Variants in CHSY3 observed in about 807,000 individuals in gnomAD.
The protein encoded by CHSY3 is N-acetylgalactosaminyl-proteoglycan 3-beta-glucuronosyltransferase 3.
In CHSY3, 35 loss-of-function variants were observed where a neutral mutation model predicts 67.2. That is an observed-to-expected ratio of 0.52 (90% CI 0.40 to 0.69). The LOEUF (loss-of-function observed/expected upper bound fraction) is 0.69. Among genes scored for constraint, CHSY3 ranks in the 30% least tolerant of loss-of-function variants. CHSY3 has a pLI of 0.00. For synonymous variants in CHSY3, 474 were observed against 434.7 expected, an observed-to-expected ratio of 1.09 and a Z score of -1.12; for missense variants, 1,069 against 1,138.5, an observed-to-expected ratio of 0.94 and a Z score of 0.88.
intron 2 of CHSY3, among the ~76,000 whole-genome samples, chr5:130,075,066 G>A (rs966078918): frequency 6.6e-6 from 1 of 151,976 alleles, no homozygotes; most frequent in African/African-American, 2.4e-5. Flanking sequence ...ACCCATTTAC[G>A]GAGCTATTTC....
chr5:130,112,392 G>A (rs375301783), intron 2 of CHSY3, among the ~76,000 whole-genome samples: 17 of 152,096 alleles, frequency 1.1e-4, no homozygotes, highest in African/African-American at 2.9e-4. Context: ...TTCTCAGACC[G>A]GATTTCCACA....
Position 129,920,099 on chromosome 5 carries a change from C to G in CHSY3, c.1086+11739C>G, listed in dbSNP as rs1002481798. On this transcript the variant is annotated intron_variant, in intron 2 of 2. Transcript: ENST00000305031. ...GCTTTTTAATCTTTGATTGTCATCC[C>G]CCTATTTACCCCACCTGAAGTCCCT... Among the ~76,000 whole-genome samples the G allele has an allele frequency of 2.6e-5, 4 of 152,096 alleles. No homozygotes were observed. The South Asian group carries it at 8.3e-4, about 32-fold the overall frequency.
At chr5:130,021,151 A>T (rs182861877) in intron 2 of CHSY3, among the ~76,000 whole-genome samples, 2 of 152,308 alleles carry the variant, frequency 1.3e-5, no homozygotes, top group East Asian at 3.9e-4. Context: ...ACTTAAGATG[A>T]TGGGTTTGGT....
chr5:130,089,017 A>G, intron 2 of CHSY3, among the ~76,000 whole-genome samples: 1 of 152,046 alleles, frequency 6.6e-6, no homozygotes, highest in Non-Finnish European at 1.5e-5. Flanking sequence ...TGTGGCACAT[A>G]TACACCATGG....
chr5:130,103,758 C>T (rs2149700050), intron 2 of CHSY3, among the ~76,000 whole-genome samples: 1 of 152,060 alleles, frequency 6.6e-6, no homozygotes, highest in East Asian at 1.9e-4. Context: ...TACCTGAGAG[C>T]CTTGACTCCT....
intron 2 of CHSY3, among the ~76,000 whole-genome samples, chr5:129,956,878 A>G (rs1342102308): frequency 6.6e-6 from 1 of 152,026 alleles, no homozygotes; most frequent in Non-Finnish European, 1.5e-5. Context: ...TCTTTAGTAT[A>G]GCTTGAAGAC....
chr5:129,909,803 G>A (rs1042987874), intron 2 of CHSY3, among the ~76,000 whole-genome samples: 7 of 151,818 alleles, frequency 4.6e-5, no homozygotes, highest in African/African-American at 1.4e-4. Context: ...TGTTTTGCAG[G>A]TATTTACTTT....
At chr5:130,056,764 T>C (rs1040479369) in intron 2 of CHSY3, among the ~76,000 whole-genome samples, 2 of 152,072 alleles carry the variant, frequency 1.3e-5, no homozygotes, top group South Asian at 2.1e-4. Context: ...CTTAACTGTA[T>C]TGGGACTCAA....
intron 2 of CHSY3, among the ~76,000 whole-genome samples, chr5:130,014,027 A>G (rs958195471): frequency 7.2e-5 from 11 of 152,172 alleles, no homozygotes; most frequent in Admixed American, 3.3e-4. Context: ...GCACTGCACA[A>G]TGCCACCAGT....
At chr5:129,945,322 C>CA (rs1761819167) in intron 2 of CHSY3, among the ~76,000 whole-genome samples, 1 of 152,034 alleles carries the variant, frequency 6.6e-6, no homozygotes, top group Non-Finnish European at 1.5e-5. Context: ...TCAGAGTGGC[C>CA]AAACATCCCA....
intron 2 of CHSY3, among the ~76,000 whole-genome samples, chr5:130,099,631 T>G (rs1767163043): frequency 6.6e-6 from 1 of 152,226 alleles, no homozygotes; most frequent in African/African-American, 2.4e-5. Context: ...CAGAATTTCA[T>G]CTTTTCATTT....
chr5:130,168,548 G>A (rs1301263895), intron 2 of CHSY3, among the ~76,000 whole-genome samples: 2 of 151,998 alleles, frequency 1.3e-5, no homozygotes, highest in African/African-American at 2.4e-5. Context: ...CTTAAGTTAC[G>A]TTTTATTTTT....
At chr5:130,025,011 T>A (rs1764499598) in intron 2 of CHSY3, among the ~76,000 whole-genome samples, 1 of 152,186 alleles carries the variant, frequency 6.6e-6, no homozygotes, top group East Asian at 1.9e-4. Flanking sequence ...GATTGATTTA[T>A]GGCATAAGGC....
At chr5:129,959,062 A>G (rs1762257198) in intron 2 of CHSY3, among the ~76,000 whole-genome samples, 1 of 152,070 alleles carries the variant, frequency 6.6e-6, no homozygotes, top group South Asian at 2.1e-4. Context: ...CTGAATCCCA[A>G]GTGAATATGC....
chr5:130,034,193 G>T (rs981120651), intron 2 of CHSY3, among the ~76,000 whole-genome samples: 2 of 43,630 alleles, frequency 4.6e-5, no homozygotes, highest in African/African-American at 2.4e-4. Flanking sequence ...GAATAATACA[G>T]CAGTTAAGTT....
chr5:129,958,869 A>G (rs552139705), intron 2 of CHSY3, among the ~76,000 whole-genome samples: 2 of 151,970 alleles, frequency 1.3e-5, no homozygotes, highest in South Asian at 4.2e-4. Flanking sequence ...CAGAGAAGCA[A>G]TTTTTTTTAG....
At chr5:130,020,452 TATATA>T (rs1321209892) in intron 2 of CHSY3, among the ~76,000 whole-genome samples, 2 of 3,086 alleles carry the variant, frequency 6.5e-4, no homozygotes, top group African/African-American at 1.3e-3. Flanking sequence ...TATATATATA[TATATA>T]TATATTTTTT....
chr5:130,057,867 C>G lies in CHSY3; in HGVS notation c.1087-126362C>G, dbSNP rs550025913. ...TCTCCCACCTCCTTTCAACCTTTCC[C>G]TTATACTGCCTATGTCAACACATAC... On this transcript the variant is annotated intron_variant, in intron 2 of 2. Transcript: ENST00000305031. Among the ~76,000 whole-genome samples the G allele has an allele frequency of 2.0e-5, 3 of 152,160 alleles. No homozygotes were observed. In the South Asian group the frequency reaches 6.3e-4, roughly 32 times the overall value.
rs142950177 is a variant in CHSY3 at position 129,983,740 on chromosome 5, G to A, written c.1086+75380G>A. 4.5e-3 allele frequency among the ~76,000 whole-genome samples: 683 copies of A among 152,126 alleles called. 2 individuals carry two copies. Among genetic ancestry groups the A allele is most frequent in the Admixed American group, 7.7e-3 (118 of 15,272 alleles). ...TTATTAAGTATTAAGATCAATGTATGCATAAAATATGAGGGGAATTGAGTG... is the reference window on the plus strand; with the variant it reads ...TTATTAAGTATTAAGATCAATGTATACATAAAATATGAGGGGAATTGAGTG... On this transcript the variant is annotated intron_variant, in intron 2 of 2. Coordinates refer to ENST00000305031, the MANE Select transcript of CHSY3 (RefSeq NM_175856.5).
Sources: allele counts gnomAD v4.1 joint callset (sites outside exome capture counted in the v4.1 genomes callset), GRCh38; gene constraint gnomAD v4.1.1; transcripts MANE v1.5; gene names NCBI Gene and HGNC (gene_info 2026-07-23, HGNC 2026-07-21).